Variants in VWC2L observed in about 807,000 individuals in gnomAD.
VWC2L encodes the protein von Willebrand factor C domain-containing protein 2-like.
A neutral mutation model predicts 21.6 loss-of-function variants in VWC2L; 10 were observed. The observed-to-expected ratio is 0.46, with a 90% confidence interval of 0.29 to 0.78. The LOEUF (loss-of-function observed/expected upper bound fraction) is 0.78. Among genes scored for constraint, VWC2L ranks in the 30% least tolerant of loss-of-function variants. VWC2L has a pLI of 0.10. For synonymous variants in VWC2L, 96 were observed against 94.3 expected (o/e 1.02, Z -0.10); for missense variants, 209 against 277.1 (o/e 0.75, Z 1.74).
At chr2:214,430,407 T>A (rs1024727301) in intron 2 of VWC2L, among the ~76,000 whole-genome samples, 21 of 152,326 alleles carry the variant, frequency 1.4e-4, no homozygotes, top group African/African-American at 5.1e-4. Context: ...AACATCAAAA[T>A]ATGTGTTTAC....
intron 2 of VWC2L, among the ~76,000 whole-genome samples, chr2:214,425,290 T>G (rs1702504688): frequency 1.3e-5 from 2 of 152,212 alleles, no homozygotes; most frequent in Admixed American, 1.3e-4. Flanking sequence ...ATATCAGTTC[T>G]CTTTAATCAG....
chr2:214,485,539 T>A (rs1269728189), intron 3 of VWC2L, among the ~76,000 whole-genome samples: 1 of 152,174 alleles, frequency 6.6e-6, no homozygotes, highest in Non-Finnish European at 1.5e-5. Context: ...GCCGAAGAGA[T>A]GAAGGCTGAC....
chr2:214,501,721 CAAAAAAA>C (rs776608301), intron 3 of VWC2L, among the ~76,000 whole-genome samples: 8 of 79,108 alleles, frequency 1.0e-4, no homozygotes, highest in Non-Finnish European at 1.9e-4. Context: ...GACTCTGTCT[CAAAAAAA>C]AAAAAAAAAA....
chr2:214,480,588 T>C (rs1272631455), intron 3 of VWC2L, among the ~76,000 whole-genome samples: 8 of 152,146 alleles, frequency 5.3e-5, no homozygotes, highest in South Asian at 2.1e-4. Flanking sequence ...TAGCACTTCT[T>C]GGTGTCAGGG....
intron 3 of VWC2L, among the ~76,000 whole-genome samples, chr2:214,559,636 A>G (rs1355707286): frequency 1.3e-5 from 2 of 149,232 alleles, no homozygotes; most frequent in Non-Finnish European, 3.0e-5. Context: ...TTTGAGATAG[A>G]TTTTACTCTG....
intron 3 of VWC2L, among the ~76,000 whole-genome samples, chr2:214,563,030 C>CTTGCCTGCATCCTGAATGGTG: frequency 1.3e-5 from 2 of 152,108 alleles, no homozygotes; most frequent in Non-Finnish European, 2.9e-5. Flanking sequence ...AAATCTTTCC[C>CTTGCCTGCATCCTGAATGGTG]TTGCCTGCAT....
chr2:214,560,754 C>T (rs538069052), intron 3 of VWC2L, among the ~76,000 whole-genome samples: 12 of 152,194 alleles, frequency 7.9e-5, no homozygotes, highest in South Asian at 4.1e-4. Context: ...AAAATGGTTC[C>T]GAATGCCAAG....
intron 2 of VWC2L, among the ~76,000 whole-genome samples, chr2:214,434,428 T>C (rs965528166): frequency 6.6e-6 from 1 of 152,146 alleles, no homozygotes; most frequent in Non-Finnish European, 1.5e-5. Flanking sequence ...TCCATAATAA[T>C]CTCATCATGC....
At chr2:214,502,452 C>G (rs905616822) in intron 3 of VWC2L, among the ~76,000 whole-genome samples, 2 of 152,114 alleles carry the variant, frequency 1.3e-5, no homozygotes, top group African/African-American at 4.8e-5. Flanking sequence ...CACCTGTAGC[C>G]CCTGCTACTT....
chr2:214,447,527 G>A (rs1006157340), intron 3 of VWC2L, among the ~76,000 whole-genome samples: 3 of 152,102 alleles, frequency 2.0e-5, no homozygotes, highest in African/African-American at 7.2e-5. Flanking sequence ...CAGGGAGTTG[G>A]AATCCCAGAG....
chr2:214,555,436 T>A (rs1423328725), intron 3 of VWC2L, among the ~76,000 whole-genome samples: 2 of 152,254 alleles, frequency 1.3e-5, no homozygotes, highest in Non-Finnish European at 2.9e-5. Context: ...AGAGTTTGAT[T>A]CTTTTTCATC....
intron 3 of VWC2L, among the ~76,000 whole-genome samples, chr2:214,544,036 C>T (rs1677202806): frequency 6.6e-6 from 1 of 152,172 alleles, no homozygotes; most frequent in Admixed American, 6.5e-5. Flanking sequence ...GGGACAAAAA[C>T]ACAGAAATAG....
chr2:214,486,772 G>T (rs1688678535), intron 3 of VWC2L, among the ~76,000 whole-genome samples: 1 of 152,004 alleles, frequency 6.6e-6, no homozygotes, highest in Non-Finnish European at 1.5e-5. Flanking sequence ...CTTTTAACCT[G>T]CTTTCTACTT....
intron 3 of VWC2L, among the ~76,000 whole-genome samples, chr2:214,504,557 T>C (rs1688941016): frequency 6.6e-6 from 1 of 152,178 alleles, no homozygotes; most frequent in African/African-American, 2.4e-5. Context: ...TAAGATGAAC[T>C]GAATAACCAC....
intron 3 of VWC2L, among the ~76,000 whole-genome samples, chr2:214,518,110 G>A (rs1156290515): frequency 1.3e-5 from 2 of 151,864 alleles, no homozygotes; most frequent in Non-Finnish European, 2.9e-5. Flanking sequence ...AGCTTGCAGT[G>A]AGCCAAGATC....
intron 3 of VWC2L, among the ~76,000 whole-genome samples, chr2:214,552,012 CT>C (rs1689802901): frequency 6.6e-6 from 1 of 152,216 alleles, no homozygotes. Context: ...AAGAATTTTT[CT>C]TCCTTTTGAA....
intron 2 of VWC2L, among the ~76,000 whole-genome samples, chr2:214,428,641 G>C (rs1702558403): frequency 6.6e-6 from 1 of 152,036 alleles, no homozygotes; most frequent in Non-Finnish European, 1.5e-5. Context: ...AAATTCAGTA[G>C]GAAATTACTG....
At chr2:214,421,157 C>T (rs1702432761) in intron 2 of VWC2L, among the ~76,000 whole-genome samples, 1 of 152,128 alleles carries the variant, frequency 6.6e-6, no homozygotes, top group Non-Finnish European at 1.5e-5. Context: ...CACAAAAGTA[C>T]ACTAAAAGTT....
chr2:214,532,600 T>C (rs1307720412), intron 3 of VWC2L, among the ~76,000 whole-genome samples: 1 of 152,146 alleles, frequency 6.6e-6, no homozygotes, highest in African/African-American at 2.4e-5. Flanking sequence ...ATCCCTTCAT[T>C]TTTTAGCTCT....
Sources: gnomAD v4.1 joint callset for allele counts (sites outside exome capture counted in the v4.1 genomes callset) on GRCh38, gnomAD v4.1.1 for gene constraint, MANE v1.5 for transcripts, NCBI Gene and HGNC (gene_info 2026-07-23, HGNC 2026-07-21) for gene names.